Variants in MDM1 observed in about 807,000 individuals in gnomAD.
MDM1 encodes the protein stabilizer of axonemal microtubules 6.
MDM1 carries 61 observed loss-of-function variants against 89.1 expected under a neutral mutation model. The observed-to-expected ratio is 0.68, with a 90% CI of 0.56 to 0.85. The LOEUF is 0.85. Ranked by LOEUF, MDM1 falls within the 40% of genes least tolerant of loss-of-function variation. The pLI, the probability that MDM1 is intolerant of heterozygous loss-of-function variation, is 0.00. For synonymous variants in MDM1, 290 were observed against 294.1 expected (o/e 0.99, Z 0.14); for missense variants, 820 against 846.5 (o/e 0.97, Z 0.39).
chr12:68,319,491 T>C lies in MDM1; in HGVS notation c.1005+1856A>G, dbSNP rs185461417. Reference sequence around the variant, plus strand: ...AGTGTGAATACACTCCTTCCTGAAATGTTAGGAGTGGGAAAATGAAGGAGT... The same window carrying C: ...AGTGTGAATACACTCCTTCCTGAAACGTTAGGAGTGGGAAAATGAAGGAGT... On this transcript the variant is annotated intron_variant, in intron 7 of 14. Transcript: ENST00000682720. Among the ~76,000 whole-genome samples the C allele has an allele frequency of 2.1e-3, 321 of 152,254 alleles. 2 individuals are homozygous for C. The highest frequency in any genetic ancestry group is 7.3e-3 in the African/African-American group (305 of 41,544).
At position 68,316,661 on chromosome 12, in the gene MDM1, G is replaced by C. The variant is rs75115041; in HGVS notation, c.1006-51C>G. ...TTAATGATAGGTTAATGCCATAATTGAATATTAATGGGAATCAATGAAACA... is the reference window on the plus strand; with the variant it reads ...TTAATGATAGGTTAATGCCATAATTCAATATTAATGGGAATCAATGAAACA... On this transcript the variant is annotated intron_variant, in intron 7 of 14. Coordinates refer to ENST00000682720, the MANE Select transcript of MDM1 (RefSeq NM_001354969.2). 936 of 1,310,848 alleles carry C rather than the reference G, an allele frequency of 7.1e-4. 5 individuals carry two copies. In the African/African-American group the frequency reaches 0.013, roughly 18 times the overall value. The allele number at this position is 1,310,848 out of a possible 1,614,324, so 81.2% of individuals were successfully genotyped here.
chr12:68,304,248 A>AT (rs1358901370), intron 12 of MDM1, among the ~76,000 whole-genome samples: 2 of 151,188 alleles, frequency 1.3e-5, no homozygotes, highest in Non-Finnish European at 3.0e-5. Context: ...ATATCTATTT[A>AT]TTTAAAAAAA....
At chr12:68,303,028 C>T (rs1043089006) in intron 12 of MDM1, among the ~76,000 whole-genome samples, 156 bp from the exon 13 acceptor site, 1 of 151,568 alleles carries the variant, frequency 6.6e-6, no homozygotes, top group Non-Finnish European at 1.5e-5. Flanking sequence ...ATGATATAGA[C>T]AAACAGACCT....
intron 12 of MDM1, among the ~76,000 whole-genome samples, chr12:68,311,321 A>ACATTC (rs780459109): frequency 2.6e-4 from 39 of 151,972 alleles, no homozygotes; most frequent in Non-Finnish European, 4.9e-4. Flanking sequence ...AAAATATCCC[A>ACATTC]CATTCCCCTG....
At chr12:68,325,334 T>G (rs1186021909) in intron 4 of MDM1, 107 bp downstream of exon 4, 3 of 1,379,336 alleles carry the variant, frequency 2.2e-6, no homozygotes, top group Non-Finnish European at 2.8e-6. Context: ...AGAACCTACC[T>G]CCAGGCTACT....
intron 4 of MDM1, 49 bp downstream of exon 4, chr12:68,325,392 A>AC (rs752969418): frequency 2.1e-6 from 3 of 1,437,142 alleles, no homozygotes; most frequent in Non-Finnish European, 1.8e-6. Context: ...AATCTACATT[A>AC]CTAGATAAGA....
chr12:68,308,219 G>A (rs760685838), intron 12 of MDM1, among the ~76,000 whole-genome samples: 74 of 150,798 alleles, frequency 4.9e-4, no homozygotes, highest in Non-Finnish European at 7.1e-4. Flanking sequence ...TCCGCCTCCC[G>A]GATTCAGGCA....
chr12:68,314,466 T>C (rs908336663), intron 10 of MDM1, among the ~76,000 whole-genome samples: 7 of 152,124 alleles, frequency 4.6e-5, no homozygotes, highest in African/African-American at 1.4e-4. Context: ...ATTTAGATTA[T>C]AGACAAAAGG....
intron 2 of MDM1, among the ~76,000 whole-genome samples, chr12:68,328,976 A>T (rs1450094944): frequency 3.9e-5 from 6 of 152,092 alleles, no homozygotes; most frequent in Non-Finnish European, 8.8e-5. Flanking sequence ...CTTTGCTCTC[A>T]TGGTCTCATT....
chr12:68,316,401 G>T (rs1724886294), intron 8 of MDM1, 148 bp from the exon 9 acceptor site: 3 of 966,268 alleles, frequency 3.1e-6, no homozygotes, highest in African/African-American at 3.3e-5. Context: ...ATCAGACTGT[G>T]CATTTAAGCA....
intron 5 of MDM1, 120 bp from the exon 6 acceptor site, chr12:68,321,748 A>G: frequency 5.4e-6 from 3 of 560,218 alleles, no homozygotes; most frequent in Non-Finnish European, 5.9e-6. Flanking sequence ...GAAGCTTTAG[A>G]TACTAAAGAA....
At chr12:68,323,010 GA>G (rs1565782317) in intron 5 of MDM1, 62 bp downstream of exon 5, 1 of 1,513,124 alleles carries the variant, frequency 6.6e-7, no homozygotes, top group African/African-American at 1.4e-5. Context: ...GTAAGTAAAC[GA>G]AAACGTGGAG....
intron 2 of MDM1, among the ~76,000 whole-genome samples, chr12:68,328,914 G>A (rs1035273658): frequency 7.2e-5 from 11 of 151,976 alleles, no homozygotes; most frequent in Non-Finnish European, 1.2e-4. Context: ...CCCCACTAAC[G>A]TTCCTCCCCT....
rs992374458 is a variant in MDM1, at chr12:68,302,960, A to G, written c.1750-88T>C. ...CAAACATTTAAATGCAAAAAACATA[A>G]CCAAAAAGCAGAAGGAGAAATATGA... On this transcript the variant is annotated intron_variant, in intron 12 of 14. Coordinates refer to ENST00000682720, the MANE Select transcript of MDM1 (RefSeq NM_001354969.2). 8.0e-5 allele frequency: 96 copies of G among 1,203,280 alleles called. No homozygotes were observed. In the African/African-American group the frequency reaches 1.2e-3, roughly 15 times the overall value. The allele number at this position is 1,203,280 out of a possible 1,614,324, so 74.5% of individuals were successfully genotyped here.
At chr12:68,311,610 T>G (rs1873700998) in intron 12 of MDM1, among the ~76,000 whole-genome samples, 2 of 152,188 alleles carry the variant, frequency 1.3e-5, no homozygotes, top group Non-Finnish European at 2.9e-5. Flanking sequence ...CCCTTTCTCC[T>G]ACTCAAGAGC....
intron 3 of MDM1, chr12:68,326,272 G>T: frequency 8.2e-7 from 1 of 1,213,026 alleles, no homozygotes; most frequent in Non-Finnish European, 1.0e-6. Context: ...TTGTCTTCTT[G>T]TACACGATAA....
At chr12:68,325,605 C>A in intron 3 of MDM1, 30 bp from the exon 4 acceptor site, 1 of 1,477,752 alleles carries the variant, frequency 6.8e-7, no homozygotes, top group Non-Finnish European at 9.0e-7. Context: ...CACTCAAAGA[C>A]ATTAAAAATT....
chr12:68,318,089 T>C (rs574913552), intron 7 of MDM1, among the ~76,000 whole-genome samples: 1 of 152,196 alleles, frequency 6.6e-6, no homozygotes, highest in Non-Finnish European at 1.5e-5. Flanking sequence ...GTGGTATGCC[T>C]GAGCTAAACA....
At chr12:68,298,605 A>G (rs1372360818) in intron 13 of MDM1, among the ~76,000 whole-genome samples, 1 of 152,190 alleles carries the variant, frequency 6.6e-6, no homozygotes, top group Non-Finnish European at 1.5e-5. Flanking sequence ...CCCCAGATGC[A>G]GGCTTGCATG....
Sources: gnomAD v4.1 joint callset for allele counts (sites outside exome capture counted in the v4.1 genomes callset) on GRCh38, gnomAD v4.1.1 for gene constraint, MANE v1.5 for transcripts, NCBI Gene and HGNC (gene_info 2026-07-23, HGNC 2026-07-21) for gene names.